ACOT1: variants seen among roughly 807,000 people sequenced by gnomAD.
ACOT1 encodes the protein acyl-CoA thioesterase 1, also known as acyl-coenzyme A thioesterase 1.
A neutral mutation model predicts 15.7 loss-of-function variants in ACOT1; 8 were observed. That is an observed-to-expected ratio of 0.51 (90% CI 0.30 to 0.92). The LOEUF is 0.92. Ranked by LOEUF, ACOT1 falls within the 40% of genes least tolerant of loss-of-function variation. The probability of loss-of-function intolerance (pLI) is 0.06; values close to 1 mark genes in which losing one functional copy is unlikely to be tolerated. For synonymous variants in ACOT1, 67 were observed against 241.2 expected (o/e 0.28, Z 6.69); for missense variants, 151 against 539.4 (o/e 0.28, Z 7.13).
the ACOT1 span, chr14:73,508,068 C>T: frequency 3.4e-6 from 5 of 1,453,384 alleles, no homozygotes; most frequent in South Asian, 1.2e-5. Flanking sequence ...AGATTGCTTA[C>T]ATTCACTGAC....
chr14:73,524,408 C>T, the ACOT1 span, among the ~76,000 whole-genome samples: 6 of 146,256 alleles, frequency 4.1e-5, no homozygotes, highest in African/African-American at 1.5e-4. Flanking sequence ...TGGGTTGTTT[C>T]CAGATTTTAG....
chr14:73,522,712 C>T, the ACOT1 span: 1 of 1,614,246 alleles, frequency 6.2e-7, no homozygotes, highest in South Asian at 1.1e-5. Flanking sequence ...ATTTCTTCAG[C>T]TTCTTTTCGG....
chr14:73,492,635 G>T, the ACOT1 span: 1 of 1,614,000 alleles, frequency 6.2e-7, no homozygotes, highest in Admixed American at 1.7e-5. The surrounding 1 kb of genome is among the most constrained non-coding windows in gnomAD (Gnocchi z 4.9). Flanking sequence ...AAACGTGGGG[G>T]CCCAGTTGAC....
the ACOT1 span, among the ~76,000 whole-genome samples, chr14:73,501,162 A>G: frequency 1.3e-5 from 2 of 152,142 alleles, no homozygotes; most frequent in Non-Finnish European, 2.9e-5. Context: ...TCTGTTGCCC[A>G]GGCTGGAGTG....
the ACOT1 span, among the ~76,000 whole-genome samples, chr14:73,515,198 A>T: frequency 6.6e-6 from 1 of 152,190 alleles, no homozygotes; most frequent in Non-Finnish European, 1.5e-5. Flanking sequence ...AAATGATAAA[A>T]ACATTTCCAG....
chr14:73,495,922 G>A, the ACOT1 span, among the ~76,000 whole-genome samples: 3 of 152,168 alleles, frequency 2.0e-5, no homozygotes, highest in African/African-American at 7.2e-5. Flanking sequence ...GAGGCCAGGA[G>A]TTCAAGACCA....
the ACOT1 span, among the ~76,000 whole-genome samples, chr14:73,501,559 G>GTC: frequency 2.1e-5 from 3 of 141,926 alleles, no homozygotes; most frequent in Middle Eastern, 3.9e-3. Context: ...CTCCTATGCA[G>GTC]TCTCTCTCTC....
the ACOT1 span, among the ~76,000 whole-genome samples, chr14:73,494,217 G>A: frequency 6.6e-6 from 1 of 152,212 alleles, no homozygotes; most frequent in Non-Finnish European, 1.5e-5. Context: ...AGTGCCTGAT[G>A]TACCAGAAAG....
At chr14:73,511,405 G>C in the ACOT1 span, among the ~76,000 whole-genome samples, 2 of 151,824 alleles carry the variant, frequency 1.3e-5, no homozygotes, top group Non-Finnish European at 2.9e-5. Flanking sequence ...TGTAGTCCCA[G>C]CTACTCGGGA....
the ACOT1 span, among the ~76,000 whole-genome samples, chr14:73,498,508 T>C: frequency 1.3e-5 from 2 of 152,230 alleles, no homozygotes; most frequent in African/African-American, 4.8e-5. Flanking sequence ...AAAGGATTCC[T>C]AGAAGAGGGA....
Position 73,542,446 on chromosome 14 carries a change from C to T in ACOT1, c.661-604C>T, listed in dbSNP as rs754814655. On this transcript the variant is annotated intron_variant, in intron 2 of 2. Coordinates refer to ENST00000311148, the MANE Select transcript of ACOT1 (RefSeq NM_001037161.2). The stretch of plus-strand genomic sequence containing the variant: ...TTAAGACGGAGTCTTGCCGTGTCAA[C>T]GAGGCTGGAGTGCAGTGGCATGATC... 3.2e-5 allele frequency among the ~76,000 whole-genome samples: 3 copies of T among 93,646 alleles called. 1 individual carries two copies. The highest frequency in any genetic ancestry group is 3.5e-4 in the South Asian group (1 of 2,892). 61.4% of individuals were successfully genotyped at this position (93,646 alleles called of 152,430 possible). A position where few individuals can be genotyped will look rare whatever the true frequency, so the allele number is the denominator to read the frequency against.
At chr14:73,526,416 G>A in the ACOT1 span, among the ~76,000 whole-genome samples, 1 of 152,196 alleles carries the variant, frequency 6.6e-6, no homozygotes, top group African/African-American at 2.4e-5. Context: ...GGTCATGGAG[G>A]CAGTGGACTT....
chr14:73,504,682 G>A, the ACOT1 span, among the ~76,000 whole-genome samples: 1 of 152,190 alleles, frequency 6.6e-6, no homozygotes, highest in Non-Finnish European at 1.5e-5. Flanking sequence ...TGAGTGGCCA[G>A]ATTTTGTGCT....
the ACOT1 span, among the ~76,000 whole-genome samples, chr14:73,517,876 C>G: frequency 6.6e-6 from 1 of 151,984 alleles, no homozygotes; most frequent in Non-Finnish European, 1.5e-5. Context: ...ATCACGAGGT[C>G]AAGAGATCAA....
the ACOT1 span, among the ~76,000 whole-genome samples, chr14:73,512,650 T>A: frequency 3.9e-5 from 6 of 152,322 alleles, no homozygotes; most frequent in African/African-American, 1.4e-4. Flanking sequence ...GGCAAGATAA[T>A]GAAGGTTCAA....
the ACOT1 span, among the ~76,000 whole-genome samples, chr14:73,507,092 C>T: frequency 6.6e-6 from 1 of 152,038 alleles, no homozygotes; most frequent in Non-Finnish European, 1.5e-5. Context: ...CGTGAGCCAC[C>T]GTGCCCGGCC....
At chr14:73,496,674 A>G in the ACOT1 span, 2 of 1,560,898 alleles carry the variant, frequency 1.3e-6, 1 homozygote, top group Admixed American at 3.3e-5. Context: ...TGTCTGGTAC[A>G]TTTCTCTGAA....
the ACOT1 span, among the ~76,000 whole-genome samples, chr14:73,503,562 C>T: frequency 0.012 from 1,798 of 152,318 alleles, 34 homozygotes; most frequent in African/African-American, 0.042. Flanking sequence ...TCTACTCCTA[C>T]CTGGTACTTG....
At chr14:73,518,976 A>T in the ACOT1 span, 2 of 1,563,300 alleles carry the variant, frequency 1.3e-6, no homozygotes, top group Non-Finnish European at 1.7e-6. Flanking sequence ...GGAAGTAGCC[A>T]CATTCCCGTT....
Sources: gnomAD v4.1 joint callset for allele counts (sites outside exome capture counted in the v4.1 genomes callset) on GRCh38, gnomAD v4.1.1 for gene constraint, Gnocchi (gnomAD v3.1) non-coding constraint, MANE v1.5 for transcripts, NCBI Gene and HGNC (gene_info 2026-07-23, HGNC 2026-07-21) for gene names.